The following WWOX variants were observed in gnomAD, a reference collection of about 807,000 sequenced individuals.
WWOX encodes the protein WW domain containing oxidoreductase.
WWOX carries 69 observed loss-of-function variants against 46.2 expected under a neutral mutation model. The observed-to-expected ratio is 1.49, with a 90% CI of 1.23 to 1.82. The LOEUF is 1.82. WWOX is among the 40% of genes most tolerant of loss of function. WWOX has a pLI of 0.00. For synonymous variants in WWOX, 359 were observed against 202.6 expected (o/e 1.77, Z -6.56); for missense variants, 919 against 542.6 (o/e 1.69, Z -6.89).
chr16:79,044,488 C>A (rs979883425), intron 8 of WWOX, among the ~76,000 whole-genome samples: 1 of 152,108 alleles, frequency 6.6e-6, no homozygotes, highest in African/African-American at 2.4e-5. Context: ...CACAGCCCCC[C>A]ACCCTGTCTC....
chr16:78,357,947 G>C (rs1020730099), intron 5 of WWOX, among the ~76,000 whole-genome samples: 5 of 152,190 alleles, frequency 3.3e-5, no homozygotes, highest in Non-Finnish European at 7.3e-5. Context: ...GAGAAGGCCA[G>C]TTATTCCTCT....
At chr16:78,759,543 C>G (rs558882455) in intron 8 of WWOX, among the ~76,000 whole-genome samples, 2 of 152,156 alleles carry the variant, frequency 1.3e-5, no homozygotes, top group African/African-American at 2.4e-5. Flanking sequence ...ATCTCGGGCA[C>G]AAACCTAGGT....
rs757841119 is a variant in WWOX, at chr16:78,099,654, G to T, written c.-125G>T. The T allele has an allele frequency of 1.6e-6, 2 of 1,233,050 alleles. No homozygotes were observed. The highest frequency in any genetic ancestry group is 3.4e-5 in the South Asian group (2 of 58,470). 76.4% of individuals were successfully genotyped at this position (1,233,050 alleles called of 1,614,324 possible). On this transcript the variant is annotated 5_prime_UTR_variant, in exon 1 of 9. Coordinates refer to ENST00000566780, the MANE Select transcript of WWOX (RefSeq NM_016373.4). ...GTCGGCGGAGCGGCCCCTGGAGGGC[G>T]CAGTGCGCAGGCGTGAGCGGTCGGG...
chr16:79,135,307 A>G (rs2049962060), intron 8 of WWOX, among the ~76,000 whole-genome samples: 1 of 152,158 alleles, frequency 6.6e-6, no homozygotes, highest in South Asian at 2.1e-4. Context: ...ATTTATATAC[A>G]TTGTTCTATA....
chr16:78,706,979 G>C (rs1174090994), intron 8 of WWOX, among the ~76,000 whole-genome samples: 1 of 152,190 alleles, frequency 6.6e-6, no homozygotes, highest in African/African-American at 2.4e-5. Context: ...GCCTTTGGAA[G>C]TGAATCAGTC....
At chr16:78,992,693 A>G (rs1256700766) in intron 8 of WWOX, among the ~76,000 whole-genome samples, 1 of 152,136 alleles carries the variant, frequency 6.6e-6, no homozygotes, top group African/African-American at 2.4e-5. Context: ...AACCAACAAG[A>G]AAGATCACTT....
chr16:78,416,228 T>A (rs992064799), intron 6 of WWOX, among the ~76,000 whole-genome samples: 2 of 152,256 alleles, frequency 1.3e-5, no homozygotes, highest in Non-Finnish European at 2.9e-5. Context: ...TCTGTAAATA[T>A]TCATCATCTC....
At chr16:78,530,519 C>T (rs2043596543) in intron 8 of WWOX, among the ~76,000 whole-genome samples, 1 of 152,188 alleles carries the variant, frequency 6.6e-6, no homozygotes, top group Admixed American at 6.5e-5. Flanking sequence ...TCTCTAATTT[C>T]CAGCTGCTTC....
chr16:78,601,551 T>G (rs1032115218), intron 8 of WWOX, among the ~76,000 whole-genome samples: 22 of 152,212 alleles, frequency 1.4e-4, no homozygotes, highest in African/African-American at 5.3e-4. Flanking sequence ...TGTAAGGTCT[T>G]TTTATATAAG....
intron 8 of WWOX, among the ~76,000 whole-genome samples, chr16:78,786,440 TA>T (rs2050458080): frequency 6.6e-6 from 1 of 152,202 alleles, no homozygotes; most frequent in East Asian, 1.9e-4. Context: ...TAGGTAACAG[TA>T]AAATGTAGTA....
At chr16:78,613,485 T>A (rs539858682) in intron 8 of WWOX, among the ~76,000 whole-genome samples, 20 of 152,282 alleles carry the variant, frequency 1.3e-4, no homozygotes, top group African/African-American at 4.6e-4. Flanking sequence ...CCTGCCAGTT[T>A]CCTCTCCCCC....
chr16:78,544,308 C>A (rs1485716578), intron 8 of WWOX, among the ~76,000 whole-genome samples: 1 of 152,206 alleles, frequency 6.6e-6, no homozygotes, highest in African/African-American at 2.4e-5. Context: ...AATCCAACTC[C>A]TTAATAATAC....
At chr16:79,103,501 A>T (rs904086635) in intron 8 of WWOX, among the ~76,000 whole-genome samples, 2 of 152,140 alleles carry the variant, frequency 1.3e-5, no homozygotes, top group African/African-American at 4.8e-5. Context: ...CCCCACTGGG[A>T]ACCCTTAGCT....
At chr16:78,849,584 A>AAAG (rs2052389590) in intron 8 of WWOX, among the ~76,000 whole-genome samples, 1 of 150,996 alleles carries the variant, frequency 6.6e-6, no homozygotes, top group Admixed American at 6.6e-5. Context: ...AAAAAAAAAA[A>AAAG]AAAAAAAAGA....
intron 5 of WWOX, among the ~76,000 whole-genome samples, chr16:78,290,723 C>T (rs534681048): frequency 6.6e-6 from 1 of 151,128 alleles, no homozygotes; most frequent in East Asian, 2.0e-4. Context: ...AAAATGACTT[C>T]TGTAATATGG....
chr16:79,102,604 T>C (rs1469979801), intron 8 of WWOX, among the ~76,000 whole-genome samples: 4 of 151,998 alleles, frequency 2.6e-5, no homozygotes, highest in Admixed American at 6.6e-5. Flanking sequence ...TTGCTAAGAG[T>C]TTGAAAATGA....
At chr16:78,132,076 G>C (rs1423755232) in intron 4 of WWOX, among the ~76,000 whole-genome samples, 1 of 146,730 alleles carries the variant, frequency 6.8e-6, no homozygotes, top group African/African-American at 2.6e-5. Flanking sequence ...CCAGGCTGGA[G>C]TGCAGTGGTG....
intron 8 of WWOX, among the ~76,000 whole-genome samples, chr16:79,037,252 T>C (rs2047885726): frequency 6.6e-6 from 1 of 152,212 alleles, no homozygotes; most frequent in Non-Finnish European, 1.5e-5. Context: ...TCGCTCCTGC[T>C]CCTGACTCTG....
At chr16:78,501,274 C>G (rs2085061304) in intron 8 of WWOX, among the ~76,000 whole-genome samples, 2 of 139,084 alleles carry the variant, frequency 1.4e-5, no homozygotes, top group South Asian at 2.2e-4. Context: ...TAAATAAAAG[C>G]AGACCCCTTG....
Sources: gnomAD v4.1 joint callset for allele counts (sites outside exome capture counted in the v4.1 genomes callset) on GRCh38, gnomAD v4.1.1 for gene constraint, MANE v1.5 for transcripts, NCBI Gene and HGNC (gene_info 2026-07-23, HGNC 2026-07-21) for gene names.